GRB2: variants seen among roughly 807,000 people sequenced by gnomAD.
GRB2 encodes the protein growth factor receptor bound protein 2.
A neutral mutation model predicts 27.4 loss-of-function variants in GRB2; 2 were observed. That is an observed-to-expected ratio of 0.07 (90% CI 0.03 to 0.23). The LOEUF (loss-of-function observed/expected upper bound fraction) is 0.23, where lower values mean the gene tolerates loss of function less well. Among genes scored for constraint, GRB2 ranks in the 10% least tolerant of loss-of-function variants. The pLI is 1.00. For missense variants in GRB2, 102 were observed against 282.4 expected (o/e 0.36, Z 4.58); for synonymous variants, 94 against 99.6 (o/e 0.94, Z 0.33).
At chr17:75,336,543 C>A (rs367655032) in intron 2 of GRB2, among the ~76,000 whole-genome samples, 1 of 152,140 alleles carries the variant, frequency 6.6e-6, no homozygotes, top group Non-Finnish European at 1.5e-5. Flanking sequence ...CTTCTTGTCA[C>A]CTTTACCAAG....
At chr17:75,335,580 G>A (rs1171013699) in intron 2 of GRB2, among the ~76,000 whole-genome samples, 1 of 152,188 alleles carries the variant, frequency 6.6e-6, no homozygotes, top group African/African-American at 2.4e-5. Context: ...GCCCTGCAGA[G>A]CTTTGCAATG....
intron 3 of GRB2, among the ~76,000 whole-genome samples, chr17:75,331,587 T>C (rs1435136397): frequency 6.6e-6 from 1 of 152,234 alleles, no homozygotes; most frequent in Non-Finnish European, 1.5e-5. Flanking sequence ...AAAAGGGAAC[T>C]GAAGTCGATG....
At chr17:75,384,076 T>G (rs2078947087) in intron 2 of GRB2, among the ~76,000 whole-genome samples, 1 of 152,144 alleles carries the variant, frequency 6.6e-6, no homozygotes, top group Admixed American at 6.6e-5. Context: ...TTTACAATAC[T>G]TCAGATGTCT....
intron 2 of GRB2, among the ~76,000 whole-genome samples, chr17:75,368,430 T>G (rs1284007241): frequency 6.6e-6 from 1 of 151,914 alleles, no homozygotes; most frequent in East Asian, 1.9e-4. Context: ...TTCACCAGCT[T>G]GGCCAGGCTG....
intron 2 of GRB2, among the ~76,000 whole-genome samples, chr17:75,360,811 G>A (rs925168040): frequency 6.6e-6 from 1 of 152,130 alleles, no homozygotes; most frequent in African/African-American, 2.4e-5. Flanking sequence ...TCTGAGACAG[G>A]GTTCTTGCTC....
chr17:75,364,489 C>T (rs2078806913), intron 2 of GRB2, among the ~76,000 whole-genome samples: 1 of 152,002 alleles, frequency 6.6e-6, no homozygotes, highest in South Asian at 2.1e-4. Flanking sequence ...GATACCTTGC[C>T]CAAGGAGACA....
intron 2 of GRB2, among the ~76,000 whole-genome samples, chr17:75,359,492 T>C (rs978494682): frequency 2.1e-5 from 3 of 140,856 alleles, no homozygotes; most frequent in African/African-American, 7.8e-5. Context: ...GGTGACAGAG[T>C]GAGGCATTGT....
rs183933692 is a variant in GRB2, at chr17:75,355,159, G to A, written c.79-22362C>T. Reference sequence around the variant, plus strand: ...TGTTCCTAGCAAAACAAAATTCTACGAAGGTGCTGAATCCCATCTCTTCTT... The same window carrying A: ...TGTTCCTAGCAAAACAAAATTCTACAAAGGTGCTGAATCCCATCTCTTCTT... On this transcript the variant is annotated intron_variant, in intron 2 of 5. Coordinates refer to ENST00000316804, the MANE Select transcript of GRB2 (RefSeq NM_002086.5). 1.6e-4 allele frequency among the ~76,000 whole-genome samples: 24 copies of A among 152,298 alleles called. No individual in the cohort carries two copies. The East Asian group carries it at 2.7e-3, about 17-fold the overall frequency.
chr17:75,320,572 A>G lies in GRB2; in HGVS notation c.469-19T>C, dbSNP rs2078451722. On this transcript the variant is annotated intron_variant, in intron 5 of 5. Transcript: ENST00000316804. This position sits in a 1 kb window ranked among gnomAD's most constrained non-coding sequence, Gnocchi z 4.3. ...TCGGCTGCTGCAAAACAGGAGCAGG[A>G]AAAACCCACATTGCATTCCTGGTCT... The G allele has an allele frequency of 6.2e-7, 1 of 1,603,486 alleles. No individual in the cohort carries two copies. Among genetic ancestry groups the G allele is most frequent in the East Asian group, 2.2e-5 (1 of 44,656 alleles).
At chr17:75,380,703 A>C (rs1189700019) in intron 2 of GRB2, among the ~76,000 whole-genome samples, 1 of 152,234 alleles carries the variant, frequency 6.6e-6, no homozygotes, top group Admixed American at 6.5e-5. Context: ...TTTCTCTATC[A>C]TAATCACTTA....
At chr17:75,404,538 A>G (rs2079085738) in intron 1 of GRB2, among the ~76,000 whole-genome samples, 1 of 151,472 alleles carries the variant, frequency 6.6e-6, no homozygotes, top group South Asian at 2.1e-4. Flanking sequence ...GTACATTAGA[A>G]AAAAAGGGGG....
intron 2 of GRB2, among the ~76,000 whole-genome samples, chr17:75,338,547 A>G (rs2145831031): frequency 6.6e-6 from 1 of 152,292 alleles, no homozygotes; most frequent in Non-Finnish European, 1.5e-5. Context: ...TGCATTTTCT[A>G]TTCCAACCCC....
chr17:75,342,607 T>C (rs144422922), intron 2 of GRB2, among the ~76,000 whole-genome samples: 1 of 152,150 alleles, frequency 6.6e-6, no homozygotes, highest in African/African-American at 2.4e-5. Flanking sequence ...ACCTCTTAAA[T>C]AGATCCTAGA....
intron 2 of GRB2, among the ~76,000 whole-genome samples, chr17:75,389,327 C>G (rs1230513065): frequency 6.6e-6 from 1 of 152,102 alleles, no homozygotes; most frequent in Non-Finnish European, 1.5e-5. Context: ...CAAGTCACAA[C>G]TCTGCACACA....
At chr17:75,334,202 G>A (rs1372276162) in intron 2 of GRB2, among the ~76,000 whole-genome samples, 5 of 151,104 alleles carry the variant, frequency 3.3e-5, no homozygotes, top group East Asian at 1.9e-4. Flanking sequence ...ACAGAGTCTC[G>A]CTCTGTCGCC....
At chr17:75,346,180 T>C (rs1369683374) in intron 2 of GRB2, among the ~76,000 whole-genome samples, 4 of 143,350 alleles carry the variant, frequency 2.8e-5, no homozygotes, top group African/African-American at 8.1e-5. Flanking sequence ...TTTTTTTTTT[T>C]CTGAAAACTG....
At chr17:75,376,793 G>T (rs376421661) in intron 2 of GRB2, among the ~76,000 whole-genome samples, 2 of 151,954 alleles carry the variant, frequency 1.3e-5, no homozygotes, top group East Asian at 1.9e-4. Context: ...CTTAATCCCA[G>T]AAGTTTGAGA....
intron 2 of GRB2, chr17:75,372,092 G>C (rs2145855702): frequency 6.6e-6 from 1 of 152,286 alleles, no homozygotes; most frequent in African/African-American, 2.4e-5. Flanking sequence ...AGATGCTGCT[G>C]TCTGCACATT....
At chr17:75,326,868 ATAAT>A (rs1353581185) in intron 3 of GRB2, among the ~76,000 whole-genome samples, 1 of 152,228 alleles carries the variant, frequency 6.6e-6, no homozygotes, top group Non-Finnish European at 1.5e-5. Context: ...AATGAAAACT[ATAAT>A]TAGGAAGAAG....
Sources: gnomAD v4.1 joint callset for allele counts (sites outside exome capture counted in the v4.1 genomes callset) on GRCh38, gnomAD v4.1.1 for gene constraint, Gnocchi (gnomAD v3.1) non-coding constraint, MANE v1.5 for transcripts, NCBI Gene and HGNC (gene_info 2026-07-23, HGNC 2026-07-21) for gene names.